Variants in TXNDC16 observed in about 807,000 individuals in gnomAD.
TXNDC16 encodes thioredoxin domain-containing protein 16.
Under a neutral mutation model 85.6 loss-of-function variants are expected in TXNDC16, and 74 were observed. The observed-to-expected ratio is 0.86, with a 90% CI of 0.72 to 1.05. The LOEUF is 1.05. Ranked by LOEUF, TXNDC16 falls within the 50% of genes least tolerant of loss-of-function variation. The pLI is 0.00. For synonymous variants in TXNDC16, 335 were observed against 326.5 expected (o/e 1.03, Z -0.28); for missense variants, 959 against 947.0 (o/e 1.01, Z -0.17).
intron 9 of TXNDC16, among the ~76,000 whole-genome samples, chr14:52,492,263 T>G (rs1049876416): frequency 4.6e-5 from 7 of 152,132 alleles, no homozygotes; most frequent in Non-Finnish European, 1.0e-4. Context: ...CAGCTAGGCC[T>G]TTGTCCTCAA....
At chr14:52,522,736 C>G (rs183423838) in intron 6 of TXNDC16, among the ~76,000 whole-genome samples, 1 of 152,266 alleles carries the variant, frequency 6.6e-6, no homozygotes, top group Admixed American at 6.5e-5. Flanking sequence ...TTCTCTAGCC[C>G]TTCTATCAAG....
chr14:52,481,343 T>C (rs759472955), intron 14 of TXNDC16, among the ~76,000 whole-genome samples: 3 of 151,926 alleles, frequency 2.0e-5, no homozygotes, highest in Admixed American at 1.3e-4. Flanking sequence ...CAGTAACCTA[T>C]GGAAATAAAA....
At chr14:52,446,619 C>T (rs995611677) in intron 18 of TXNDC16, among the ~76,000 whole-genome samples, 1 of 152,178 alleles carries the variant, frequency 6.6e-6, no homozygotes, top group African/African-American at 2.4e-5. Flanking sequence ...GATGCCACCT[C>T]TCCCCTAATC....
chr14:52,482,986 T>G (rs758184296), intron 12 of TXNDC16, 21 bp from the exon 13 acceptor site: 28 of 1,578,326 alleles, frequency 1.8e-5, no homozygotes, highest in Non-Finnish European at 2.4e-5. Flanking sequence ...GGAAAAGAAA[T>G]TAATTTAAAT....
chr14:52,512,410 A>G (rs916314473), intron 8 of TXNDC16, among the ~76,000 whole-genome samples: 3 of 152,186 alleles, frequency 2.0e-5, no homozygotes, highest in African/African-American at 7.2e-5. Context: ...CGCAGAGCTT[A>G]AAAAACAAAA....
At chr14:52,507,140 G>T (rs1339160746) in intron 9 of TXNDC16, among the ~76,000 whole-genome samples, 1 of 152,078 alleles carries the variant, frequency 6.6e-6, no homozygotes, top group East Asian at 1.9e-4. Flanking sequence ...GTTTGCAGAT[G>T]ACATGATTGT....
At chr14:52,551,904 T>C (rs1229692674) in intron 1 of TXNDC16, among the ~76,000 whole-genome samples, 2 of 152,192 alleles carry the variant, frequency 1.3e-5, no homozygotes, top group African/African-American at 4.8e-5. Context: ...TTCCCAAAAC[T>C]TAAGCCCAGA....
At position 52,482,996 on chromosome 14, in the gene TXNDC16, T is replaced by G. The variant is rs752928048; in HGVS notation, c.1109-31A>C. ...ATGTTGGAAAAGAAATTAATTTAAA[T>G]ATTGATGTATAATGAAAACTATTTA... On this transcript the variant is annotated intron_variant, in intron 12 of 20. Transcript: ENST00000281741. 10 of 1,549,524 alleles carry G rather than the reference T, an allele frequency of 6.5e-6. No homozygotes were observed. In the South Asian group the frequency reaches 1.2e-4, roughly 18 times the overall value.
At chr14:52,550,994 G>T (rs975391651) in intron 1 of TXNDC16, among the ~76,000 whole-genome samples, 2 of 152,050 alleles carry the variant, frequency 1.3e-5, no homozygotes, top group Non-Finnish European at 2.9e-5. Flanking sequence ...GTTGGATTAG[G>T]CCTGTTAACT....
At chr14:52,453,375 G>T (rs1391851096) in intron 18 of TXNDC16, among the ~76,000 whole-genome samples, 1 of 152,108 alleles carries the variant, frequency 6.6e-6, no homozygotes, top group Non-Finnish European at 1.5e-5. Flanking sequence ...ATCTGCACTC[G>T]CAGATTTATT....
chr14:52,499,999 G>A (rs1427865718), intron 9 of TXNDC16, among the ~76,000 whole-genome samples: 2 of 151,536 alleles, frequency 1.3e-5, no homozygotes, highest in Non-Finnish European at 2.9e-5. Context: ...TTTTTCATCT[G>A]CAGTTGGTTT....
intron 1 of TXNDC16, among the ~76,000 whole-genome samples, chr14:52,545,059 T>C (rs1200832134): frequency 6.6e-6 from 1 of 152,140 alleles, no homozygotes. Flanking sequence ...AGAATAACTA[T>C]GTAACATTCA....
intron 17 of TXNDC16, among the ~76,000 whole-genome samples, chr14:52,456,228 T>G (rs907284644): frequency 1.3e-5 from 2 of 152,158 alleles, no homozygotes; most frequent in Non-Finnish European, 2.9e-5. Context: ...TAAAGGAACC[T>G]CTTAGTTGAC....
At chr14:52,493,326 A>C (rs1471640577) in intron 9 of TXNDC16, among the ~76,000 whole-genome samples, 1 of 151,856 alleles carries the variant, frequency 6.6e-6, no homozygotes, top group East Asian at 1.9e-4. Context: ...TCCAAGGATT[A>C]ACAAACACCT....
chr14:52,503,455 G>C (rs2036711980), intron 9 of TXNDC16, among the ~76,000 whole-genome samples: 1 of 152,288 alleles, frequency 6.6e-6, no homozygotes, highest in East Asian at 1.9e-4. Context: ...TGATACCCAG[G>C]CAAACAGGGT....
At chr14:52,530,451 T>TA (rs2037515699) in intron 6 of TXNDC16, among the ~76,000 whole-genome samples, 1 of 14,850 alleles carries the variant, frequency 6.7e-5, no homozygotes, top group African/African-American at 3.7e-4. Flanking sequence ...TATATTATTA[T>TA]ATAATAATAT....
At chr14:52,530,162 ATATAT>A (rs1217674230) in intron 6 of TXNDC16, among the ~76,000 whole-genome samples, 16 of 87,196 alleles carry the variant, frequency 1.8e-4, no homozygotes, top group African/African-American at 4.7e-4. Context: ...TATAATTTAT[ATATAT>A]TATATTATAT....
At chr14:52,539,634 T>C (rs1367783879) in intron 4 of TXNDC16, among the ~76,000 whole-genome samples, 1 of 152,146 alleles carries the variant, frequency 6.6e-6, no homozygotes, top group Non-Finnish European at 1.5e-5. Flanking sequence ...TATTGTGGTT[T>C]CCCCAATGAG....
At chr14:52,443,220 G>C (rs2035205687) in intron 18 of TXNDC16, among the ~76,000 whole-genome samples, 1 of 152,108 alleles carries the variant, frequency 6.6e-6, no homozygotes, top group Admixed American at 6.6e-5. Flanking sequence ...GTAAAGACTA[G>C]ACTGGCCTAG....
Sources: gnomAD v4.1 joint callset for allele counts (sites outside exome capture counted in the v4.1 genomes callset) on GRCh38, gnomAD v4.1.1 for gene constraint, MANE v1.5 for transcripts, NCBI Gene and HGNC (gene_info 2026-07-23, HGNC 2026-07-21) for gene names.